Variants in TUBGCP5 observed in about 807,000 individuals in gnomAD.
The protein encoded by TUBGCP5 is gamma-tubulin complex component 5.
In TUBGCP5, 98 loss-of-function variants were observed where a neutral mutation model predicts 134.7. The observed-to-expected ratio is 0.73, with a 90% CI of 0.62 to 0.86. TUBGCP5 has a LOEUF of 0.86. Ranked by LOEUF, TUBGCP5 falls within the 40% of genes least tolerant of loss-of-function variation. TUBGCP5 has a pLI of 0.00. For missense variants in TUBGCP5, 1,150 were observed against 1,244.8 expected (o/e 0.92, Z 1.15); for synonymous variants, 456 against 431.4 (o/e 1.06, Z -0.71).
intron 3 of TUBGCP5, among the ~76,000 whole-genome samples, chr15:23,034,454 T>G (rs1179924933): frequency 6.6e-6 from 1 of 152,148 alleles, no homozygotes. Flanking sequence ...ATCAGAAATA[T>G]AAGTGGTGAG....
rs749719540 is a variant in TUBGCP5, at chr15:23,024,099, G to A, written c.1016C>T (p.Ser339Phe). ...CCCACTTCCAGGCAGCATGCTCTCA[G>A]AACTGTGTCCCATGACTTCATCAAT... ...EFIDEVMGHSSESMLPGSGSV... is the reference protein window; with the variant it reads ...EFIDEVMGHSFESMLPGSGSV... The change falls in exon 10 of 23, where the codon TCT becomes TTT. Residue 339 changes from serine (S) to phenylalanine (F), a missense_variant. By Grantham distance (155) the Ser-to-Phe change is radical. Around this residue, in one of 2 missense-constraint regions of TUBGCP5, gnomAD observed 697 missense variants for 850.1 expected, o/e 0.82. Transcript: ENST00000615383. 2 of 1,614,020 alleles carry A rather than the reference G, an allele frequency of 1.2e-6. No individual in the cohort carries two copies. Among genetic ancestry groups the A allele is most frequent in the African/African-American group, 1.3e-5 (1 of 74,908 alleles).
Position 23,019,333 on chromosome 15 carries a change from A to G in TUBGCP5, c.1373T>C (p.Val458Ala). 6.2e-7 allele frequency: 1 copy of G among 1,610,388 alleles called. No individual in the cohort carries two copies. The highest frequency in any genetic ancestry group is 1.1e-5 in the South Asian group (1 of 90,656). ...DNVGEASEQT[V>A]SLLFSLWVET... ...CACCCAGAGAGAGAAAAGGAGGGAG[A>G]CCTGAGGCAGAGAGTGTGCACGGTC... The change falls in exon 12 of 23, where the codon GTC (valine) becomes GCC (alanine). Residue 458 changes from valine (V) to alanine (A), a missense_variant and splice_region_variant. Around this residue, in one of 2 missense-constraint regions of TUBGCP5, gnomAD observed 697 missense variants for 850.1 expected, o/e 0.82. Transcript: ENST00000615383.
chr15:23,010,279 C>T, intron 14 of TUBGCP5, 146 bp from the exon 15 acceptor site: 1 of 949,344 alleles, frequency 1.1e-6, no homozygotes, highest in South Asian at 1.7e-5. Context: ...CCAAAAATAT[C>T]CTTTGAGTGA....
At chr15:23,024,443 A>G (rs2065881292) in intron 9 of TUBGCP5, 1 of 462,626 alleles carries the variant, frequency 2.2e-6, no homozygotes, top group Non-Finnish European at 3.7e-6. Flanking sequence ...CTTAAAGCAA[A>G]ACAAAATTAC....
At chr15:23,015,838 A>C (rs2065282496) in intron 13 of TUBGCP5, among the ~76,000 whole-genome samples, 1 of 152,060 alleles carries the variant, frequency 6.6e-6, no homozygotes. Flanking sequence ...CTGAACCCAC[A>C]CTCCAAGACC....
At chr15:23,030,178 G>C (rs999967501) in intron 6 of TUBGCP5, among the ~76,000 whole-genome samples, 2 of 152,082 alleles carry the variant, frequency 1.3e-5, no homozygotes, top group African/African-American at 4.8e-5. Flanking sequence ...CTGGGAAACA[G>C]AGTGAGACCC....
chr15:23,024,959 C>T (rs2065908147), intron 8 of TUBGCP5, 129 bp from the exon 9 acceptor site: 1 of 606,000 alleles, frequency 1.7e-6, no homozygotes, highest in Non-Finnish European at 3.0e-6. Flanking sequence ...TGGAGTGCAG[C>T]AGCATGATCA....
chr15:23,025,610 A>C (rs972656694), intron 8 of TUBGCP5, among the ~76,000 whole-genome samples: 11 of 152,128 alleles, frequency 7.2e-5, no homozygotes, highest in Non-Finnish European at 1.6e-4. Flanking sequence ...AGGTGGGTGG[A>C]TCATGAGGTC....
intron 23 of TUBGCP5, among the ~76,000 whole-genome samples, chr15:22,986,803 T>C (rs1201646311): frequency 6.6e-6 from 1 of 151,786 alleles, no homozygotes; most frequent in Non-Finnish European, 1.5e-5. Context: ...TGAGGTGGTC[T>C]GCAGGGAATA....
At chr15:23,016,231 G>A (rs750871964) in intron 13 of TUBGCP5, among the ~76,000 whole-genome samples, 5 of 152,190 alleles carry the variant, frequency 3.3e-5, no homozygotes, top group African/African-American at 4.8e-5. Context: ...GGTGGCTCAC[G>A]CCTGTAATCC....
At chr15:23,020,915 G>A (rs933566705) in intron 11 of TUBGCP5, among the ~76,000 whole-genome samples, 7 of 152,118 alleles carry the variant, frequency 4.6e-5, no homozygotes, top group African/African-American at 1.7e-4. Flanking sequence ...CCTTTTTTGA[G>A]ACAGAGTCTT....
intron 16 of TUBGCP5, among the ~76,000 whole-genome samples, chr15:23,008,051 C>T (rs572270489): frequency 1.3e-5 from 2 of 152,260 alleles, no homozygotes; most frequent in East Asian, 3.9e-4. Context: ...CAGACCCTGA[C>T]AGGTCGTATG....
At chr15:23,020,879 T>G (rs550033233) in intron 11 of TUBGCP5, among the ~76,000 whole-genome samples, 1 of 152,030 alleles carries the variant, frequency 6.6e-6, no homozygotes, top group Non-Finnish European at 1.5e-5. Flanking sequence ...CCTGGGACCA[T>G]AGGCATGTGC....
rs201344468 is a variant in TUBGCP5, at chr15:23,031,040, C to A, written c.487-20G>T. On this transcript the variant is annotated intron_variant, in intron 5 of 22. Transcript: ENST00000615383. ...CCAATTCTGATTTAAAAAAGAGATA[C>A]ACTTTAGCTTTACAGAGTATAACAC... The A allele has an allele frequency of 7.5e-6, 12 of 1,602,436 alleles. No homozygotes were observed. The highest frequency in any genetic ancestry group is 1.7e-4 in the Middle Eastern group (1 of 6,000).
At chr15:23,009,191 T>G (rs889700036) in intron 15 of TUBGCP5, among the ~76,000 whole-genome samples, 3 of 152,128 alleles carry the variant, frequency 2.0e-5, no homozygotes, top group Admixed American at 6.5e-5. Flanking sequence ...ATATCTGGAA[T>G]GTTTCTTTCC....
downstream of TUBGCP5, among the ~76,000 whole-genome samples, chr15:22,995,343 C>T (rs7168441): frequency 0.35 from 52,658 of 151,654 alleles, 9,749 homozygotes; most frequent in African/African-American, 0.44. Context: ...ATTATAAAAA[C>T]AGAAGTGACC....
chr15:23,009,834 T>C, intron 15 of TUBGCP5, 111 bp downstream of exon 15: 1 of 891,196 alleles, frequency 1.1e-6, no homozygotes, highest in Non-Finnish European at 1.6e-6. Flanking sequence ...TTGTTTACTG[T>C]ATATCCATTT....
intron 10 of TUBGCP5, among the ~76,000 whole-genome samples, chr15:23,022,537 T>C (rs1049625079): frequency 6.6e-6 from 1 of 152,234 alleles, no homozygotes. Flanking sequence ...AGGGAGGCTG[T>C]GCCTACAAAG....
At chr15:23,019,933 G>A (rs2065571699) in intron 11 of TUBGCP5, among the ~76,000 whole-genome samples, 1 of 152,258 alleles carries the variant, frequency 6.6e-6, no homozygotes, top group East Asian at 1.9e-4. Context: ...GCCCAGGCAA[G>A]CGAACAAGGT....
Sources: gnomAD v4.1 joint callset for allele counts (sites outside exome capture counted in the v4.1 genomes callset) on GRCh38, gnomAD v4.1.1 for gene constraint, gnomAD v4.1.1 regional missense constraint, MANE v1.5 for transcripts, NCBI Gene and HGNC (gene_info 2026-07-23, HGNC 2026-07-21) for gene names.